Variants in NEMP1 observed in about 807,000 individuals in gnomAD.
The protein encoded by NEMP1 is transmembrane protein 194.
A neutral mutation model predicts 53.7 loss-of-function variants in NEMP1; 29 were observed. The ratio of observed to expected loss-of-function variants is 0.54; its 90% confidence interval spans 0.40 to 0.74. The LOEUF is 0.74. NEMP1 is among the 30% of genes least tolerant of loss of function. NEMP1 has a pLI of 0.00. For synonymous variants in NEMP1, 193 were observed against 192.9 expected (o/e 1.00, Z 0.00); for missense variants, 477 against 528.6 (o/e 0.90, Z 0.96).
chr12:57,082,015 A>G (rs761808063), upstream of NEMP1, among the ~76,000 whole-genome samples: 7 of 151,946 alleles, frequency 4.6e-5, no homozygotes, highest in East Asian at 5.8e-4. Context: ...TCAGGAGTTC[A>G]AGACCAGCCT....
chr12:57,063,901 A>AT (rs1330769126), intron 6 of NEMP1, among the ~76,000 whole-genome samples, 170 bp downstream of exon 6: 1 of 152,232 alleles, frequency 6.6e-6, no homozygotes, highest in African/African-American at 2.4e-5. Flanking sequence ...ATTTAAGAGA[A>AT]GGTGATAATT....
At chr12:57,072,697 C>T in intron 2 of NEMP1, 91 bp downstream of exon 2, 1 of 1,345,918 alleles carries the variant, frequency 7.4e-7, no homozygotes. Context: ...TTTTTTTAAG[C>T]ATGTGAAGGG....
intron 1 of NEMP1, among the ~76,000 whole-genome samples, chr12:57,074,111 G>A (rs2032486921): frequency 6.6e-6 from 1 of 151,526 alleles, no homozygotes; most frequent in Non-Finnish European, 1.5e-5. Context: ...CAGGACTACA[G>A]GTATACACCA....
At chr12:57,088,403 T>G (rs1345893190), upstream of NEMP1, among the ~76,000 whole-genome samples, 6 of 152,220 alleles carry the variant, frequency 3.9e-5, no homozygotes, top group Non-Finnish European at 8.8e-5. Flanking sequence ...AGGAGATCCC[T>G]GCAGAGCCCC....
At chr12:57,071,313 A>G (rs2032334383) in intron 2 of NEMP1, among the ~76,000 whole-genome samples, 1 of 152,232 alleles carries the variant, frequency 6.6e-6, no homozygotes, top group South Asian at 2.1e-4. Context: ...ATCCATTGTC[A>G]CAAGCCACTG....
intron 7 of NEMP1, among the ~76,000 whole-genome samples, chr12:57,062,217 C>T (rs558930274): frequency 5.0e-4 from 76 of 152,262 alleles, no homozygotes; most frequent in Middle Eastern, 3.4e-3. Flanking sequence ...AGGTGGCTCA[C>T]GCCTATAATC....
upstream of NEMP1, among the ~76,000 whole-genome samples, chr12:57,088,522 T>A (rs924870421): frequency 1.3e-5 from 2 of 152,182 alleles, no homozygotes; most frequent in Non-Finnish European, 1.5e-5. Context: ...CTGCTAACAT[T>A]CACACGTCCA....
At chr12:57,076,290 C>T (rs1335651859) in intron 1 of NEMP1, among the ~76,000 whole-genome samples, 2 of 151,514 alleles carry the variant, frequency 1.3e-5, no homozygotes, top group African/African-American at 2.4e-5. Flanking sequence ...TTGGGGAGAC[C>T]GAGGTGGGAA....
rs1049737828 is a variant in NEMP1 at position 57,058,888 on chromosome 12, A to T, written c.*991T>A. Reference sequence around the variant, plus strand: ...GAGACAGTTTCCTGATTTCATAGCAACTCAAAGATAACATGACCCAATGAC... The same window carrying T: ...GAGACAGTTTCCTGATTTCATAGCATCTCAAAGATAACATGACCCAATGAC... On this transcript the variant is annotated 3_prime_UTR_variant, in exon 9 of 9. Coordinates refer to ENST00000300128, the MANE Select transcript of NEMP1 (RefSeq NM_001130963.2). 3 of 152,240 alleles carry T rather than the reference A, an allele frequency of 2.0e-5. No individual in the cohort carries two copies. Among genetic ancestry groups the T allele is most frequent in the African/African-American group, 7.2e-5 (3 of 41,458 alleles). 9.4% of individuals were successfully genotyped at this position (152,240 alleles called of 1,614,324 possible).
Position 57,078,688 on chromosome 12 carries a change from A to G in NEMP1, c.58T>C (p.Ser20Pro). 1.2e-6 allele frequency: 2 copies of G among 1,613,458 alleles called. No individual in the cohort carries two copies. The highest frequency in any genetic ancestry group is 1.7e-6 in the Non-Finnish European group (2 of 1,179,696). The stretch of plus-strand genomic sequence containing the variant: ...ACTGTCCCACCGCCCCCGACTCCCG[A>G]GCCCCAGGGCCCGGGACCAACTGCC... ...SPAVGPGPWG[S>P]GVGGGGTVRL... The change falls in exon 1 of 9, where the codon TCG becomes CCG. Residue 20 changes from serine (S) to proline (P), a missense_variant. By Grantham distance (74) the Ser-to-Pro change is moderately conservative. Coordinates refer to ENST00000300128, the MANE Select transcript of NEMP1 (RefSeq NM_001130963.2).
chr12:57,073,318 A>AT lies in NEMP1; in HGVS notation c.128-407dup, dbSNP rs112545618. On this transcript the variant is annotated intron_variant, in intron 1 of 8. Coordinates refer to ENST00000300128, the MANE Select transcript of NEMP1 (RefSeq NM_001130963.2). ...AGGCGCCCGCCACCGTGCCCGGCTA[A>AT]TTTTTTTTTTTGTATTAAGTATCTA... is the stretch of plus-strand genomic sequence containing the variant. Among the ~76,000 whole-genome samples, 1,440 of 147,188 alleles carry AT rather than the reference A, an allele frequency of 9.8e-3. 25 individuals are homozygous for AT. Among genetic ancestry groups the AT allele is most frequent in the African/African-American group, 0.033 (1,342 of 40,308 alleles).
intron 1 of NEMP1, among the ~76,000 whole-genome samples, chr12:57,075,661 A>C (rs1444424500): frequency 7.1e-6 from 1 of 140,986 alleles, no homozygotes; most frequent in Non-Finnish European, 1.6e-5. Context: ...CCATCTCTAC[A>C]AAAAAAAAAA....
At chr12:57,079,796 G>A (rs1407417535), upstream of NEMP1, among the ~76,000 whole-genome samples, 2 of 152,036 alleles carry the variant, frequency 1.3e-5, no homozygotes, top group Non-Finnish European at 2.9e-5. Context: ...TTAGAGACAG[G>A]GTCATTCTCT....
chr12:57,074,237 C>T (rs1214380989), intron 1 of NEMP1, among the ~76,000 whole-genome samples: 1 of 151,666 alleles, frequency 6.6e-6, no homozygotes, highest in African/African-American at 2.4e-5. Flanking sequence ...CCAAAGCACC[C>T]ACGCTGACCT....
intron 7 of NEMP1, among the ~76,000 whole-genome samples, chr12:57,062,581 T>G (rs1401529583): frequency 6.6e-6 from 1 of 151,972 alleles, no homozygotes; most frequent in Non-Finnish European, 1.5e-5. Context: ...TCCCAGCACT[T>G]TGTAATCCAA....
intron 3 of NEMP1, 107 bp from the exon 4 acceptor site, chr12:57,069,413 G>A: frequency 1.5e-6 from 1 of 665,684 alleles, no homozygotes; most frequent in Non-Finnish European, 2.5e-6. Context: ...AAAAATAAAT[G>A]CAAACAGCCC....
intron 4 of NEMP1, among the ~76,000 whole-genome samples, chr12:57,065,412 C>T (rs1225446684): frequency 6.6e-6 from 1 of 152,106 alleles, no homozygotes; most frequent in Non-Finnish European, 1.5e-5. Flanking sequence ...TAGTATAAGG[C>T]TATTTTGTCT....
At chr12:57,074,420 T>C (rs2032505923) in intron 1 of NEMP1, among the ~76,000 whole-genome samples, 1 of 151,820 alleles carries the variant, frequency 6.6e-6, no homozygotes, top group Admixed American at 6.6e-5. Context: ...GCCTCCTGAG[T>C]AGCTGGCATT....
upstream of NEMP1, among the ~76,000 whole-genome samples, chr12:57,088,541 A>G (rs1009058688): frequency 6.6e-6 from 1 of 152,182 alleles, no homozygotes; most frequent in Non-Finnish European, 1.5e-5. Flanking sequence ...CAGCACCACA[A>G]GGCCTGAGTA....
Sources: allele counts gnomAD v4.1 joint callset (sites outside exome capture counted in the v4.1 genomes callset), GRCh38; gene constraint gnomAD v4.1.1; transcripts MANE v1.5; gene names NCBI Gene and HGNC (gene_info 2026-07-23, HGNC 2026-07-21).